The following LDHB variants were observed in gnomAD, a reference collection of about 807,000 sequenced individuals.
LDHB encodes lactate dehydrogenase B.
A neutral mutation model predicts 33.4 loss-of-function variants in LDHB; 18 were observed. The ratio of observed to expected loss-of-function variants is 0.54; its 90% CI spans 0.37 to 0.80. The LOEUF (loss-of-function observed/expected upper bound fraction) is 0.80. Ranked by LOEUF, LDHB falls within the 30% of genes least tolerant of loss-of-function variation. The pLI is 0.00. For missense variants in LDHB, 345 were observed against 407.9 expected (o/e 0.85, Z 1.33); for synonymous variants, 121 against 140.6 (o/e 0.86, Z 0.98).
At position 21,635,515 on chromosome 12, in the gene LDHB, AAAT is replaced by A. The variant is rs748619363; in HGVS notation, c.*24_*26del. The stretch of plus-strand genomic sequence containing the variant: ...TCGAGTTAATCACATTGTAGTTTTT[AAAT>A]TTCTACAGCCTAGAGCTCACTAGTC... On this transcript the variant is annotated 3_prime_UTR_variant, in exon 8 of 8. Coordinates refer to ENST00000350669, the MANE Select transcript of LDHB (RefSeq NM_002300.8). The A allele has an allele frequency of 4.5e-5, 72 of 1,589,812 alleles. No individual in the cohort carries two copies. The highest frequency in any genetic ancestry group is 6.2e-5 in the Non-Finnish European group (72 of 1,159,882).
chr12:21,641,311 T>C (rs1483019164), intron 5 of LDHB, among the ~76,000 whole-genome samples: 1 of 152,124 alleles, frequency 6.6e-6, no homozygotes, highest in Non-Finnish European at 1.5e-5. Flanking sequence ...ATGAGAAAAC[T>C]ATAGGGTCAT....
intron 2 of LDHB, among the ~76,000 whole-genome samples, chr12:21,650,960 T>G (rs944568099): frequency 6.6e-6 from 1 of 152,206 alleles, no homozygotes; most frequent in African/African-American, 2.4e-5. Flanking sequence ...TTATTTTATA[T>G]CGGAAGGCAG....
intron 4 of LDHB, among the ~76,000 whole-genome samples, chr12:21,642,539 T>C (rs114675786): frequency 2.6e-5 from 4 of 152,304 alleles, no homozygotes; most frequent in African/African-American, 9.6e-5. Context: ...CTTTGATTAC[T>C]AAACTACCAA....
At chr12:21,645,295 C>T (rs1039969220) in intron 3 of LDHB, among the ~76,000 whole-genome samples, 28 of 152,156 alleles carry the variant, frequency 1.8e-4, no homozygotes, top group African/African-American at 6.5e-4. Context: ...TTTCTCCCCA[C>T]GTGATAGTCT....
chr12:21,635,739 G>T (rs1473003819), intron 7 of LDHB, 30 bp from the exon 8 acceptor site: 1 of 1,604,174 alleles, frequency 6.2e-7, no homozygotes, highest in Non-Finnish European at 8.5e-7. Context: ...TCGAGATTAA[G>T]ACATGAAACT....
intron 1 of LDHB, chr12:21,657,376 A>G (rs1317384230): frequency 6.6e-6 from 1 of 152,246 alleles, no homozygotes; most frequent in East Asian, 1.9e-4. Flanking sequence ...TTCATAGGCC[A>G]CCTGGTTCCG....
chr12:21,655,587 G>C (rs1938821011), intron 1 of LDHB, among the ~76,000 whole-genome samples: 1 of 152,138 alleles, frequency 6.6e-6, no homozygotes, highest in African/African-American at 2.4e-5. Flanking sequence ...ATATCAACCT[G>C]AATTCCTTTT....
At chr12:21,656,292 A>G (rs913886527) in intron 1 of LDHB, among the ~76,000 whole-genome samples, 2 of 152,220 alleles carry the variant, frequency 1.3e-5, no homozygotes, top group Non-Finnish European at 2.9e-5. Context: ...TCGCCTTTAC[A>G]GATCACATTT....
intron 3 of LDHB, 135 bp downstream of exon 3, chr12:21,646,764 T>C (rs1938537633): frequency 1.5e-6 from 1 of 680,344 alleles, no homozygotes; most frequent in African/African-American, 1.8e-5. Flanking sequence ...TTATTAACAG[T>C]TATTGAAATA....
chr12:21,641,365 TAAAG>T (rs897085612), intron 5 of LDHB, among the ~76,000 whole-genome samples: 23 of 152,130 alleles, frequency 1.5e-4, no homozygotes, highest in African/African-American at 4.8e-4. Context: ...AACCTAATGA[TAAAG>T]AAACAATCAG....
At chr12:21,649,620 C>T (rs908745513) in intron 2 of LDHB, among the ~76,000 whole-genome samples, 5 of 150,082 alleles carry the variant, frequency 3.3e-5, no homozygotes, top group African/African-American at 1.2e-4. Flanking sequence ...TAATGTATCA[C>T]TAAAATGGCT....
chr12:21,651,726 G>C (rs1938696420), intron 2 of LDHB, among the ~76,000 whole-genome samples: 2 of 152,186 alleles, frequency 1.3e-5, no homozygotes, highest in Non-Finnish European at 2.9e-5. Flanking sequence ...TATTAAGCTA[G>C]TGGGATTTCT....
chr12:21,638,536 CT>C lies in LDHB; in HGVS notation c.596-67del, dbSNP rs1938280040. On this transcript the variant is annotated intron_variant, in intron 5 of 7. Transcript: ENST00000350669. ...ACATTATTTTAAAAAATATTTTCTT[CT>C]TTTAGTGCAATTTCACCTATGATGC... The C allele has an allele frequency of 3.4e-5, 38 of 1,122,098 alleles. 1 individual carries two copies. The South Asian group carries it at 4.9e-4, about 14-fold the overall frequency. 69.5% of individuals were successfully genotyped at this position (1,122,098 alleles called of 1,614,324 possible). A position where few individuals can be genotyped will look rare whatever the true frequency, so the allele number is the denominator to read the frequency against.
At chr12:21,636,110 C>T (rs1624003) in intron 7 of LDHB, among the ~76,000 whole-genome samples, 146,514 of 152,190 alleles carry the variant, frequency 0.96, 70,748 homozygotes, top group Middle Eastern at 1. Flanking sequence ...TTATTATATA[C>T]GTATTTTATT....
At chr12:21,643,773 G>C (rs1938436126) in intron 4 of LDHB, 162 bp downstream of exon 4, 1 of 630,160 alleles carries the variant, frequency 1.6e-6, no homozygotes, top group African/African-American at 1.8e-5. Context: ...CTGGGACAGA[G>C]GCATTTGTTT....
rs376750244 is a variant in LDHB at position 21,654,539 on chromosome 12, G to A, written c.129+4C>T. 7 of 1,613,844 alleles carry A rather than the reference G, an allele frequency of 4.3e-6. No homozygotes were observed. The African/African-American group carries it at 9.3e-5, about 22-fold the overall frequency. ...CTATCATCTATGGTGTTCTTGAAAT[G>A]TACCTTTCCCAGAATGCTGATAGCA... On this transcript the variant is annotated splice_donor_region_variant and intron_variant, in intron 2 of 7. Coordinates refer to ENST00000350669, the MANE Select transcript of LDHB (RefSeq NM_002300.8).
At chr12:21,645,227 A>G (rs963253101) in intron 3 of LDHB, among the ~76,000 whole-genome samples, 4 of 34,288 alleles carry the variant, frequency 1.2e-4, no homozygotes, top group Admixed American at 4.9e-4. Flanking sequence ...CCAGAGACAC[A>G]GTACACTATG....
Position 21,638,397 on chromosome 12 carries a change from ATT to A in LDHB, c.667_668del (p.Asn223Ter). ...GCACTTCCTTCCAATTTTCACTATC[ATT>A]GTCAGTTCCCATTTCTGGATTCAAT... Reference protein sequence around the residue: ...QELNPEMGTDNDSENWKEVHK... With the variant: ...QELNPEMGTDXDSENWKEVHK... On this transcript the variant is annotated frameshift_variant, in exon 6 of 8. Coordinates refer to ENST00000350669, the MANE Select transcript of LDHB (RefSeq NM_002300.8). LOFTEE classifies it high-confidence loss of function. The A allele has an allele frequency of 6.2e-7, 1 of 1,610,852 alleles. No individual in the cohort carries two copies.
At chr12:21,646,407 G>A (rs1938528367) in intron 3 of LDHB, among the ~76,000 whole-genome samples, 1 of 152,178 alleles carries the variant, frequency 6.6e-6, no homozygotes, top group Non-Finnish European at 1.5e-5. Context: ...CTTCCAATGG[G>A]AAAATGTCAA....
Sources: gnomAD v4.1 joint callset for allele counts (sites outside exome capture counted in the v4.1 genomes callset) on GRCh38, gnomAD v4.1.1 for gene constraint, MANE v1.5 for transcripts, NCBI Gene and HGNC (gene_info 2026-07-23, HGNC 2026-07-21) for gene names.